GPHN: variants seen among roughly 807,000 people sequenced by gnomAD.
GPHN encodes gephyrin.
Under a neutral mutation model 95.5 loss-of-function variants are expected in GPHN, and 17 were observed. That is an observed-to-expected ratio of 0.18 (90% CI 0.12 to 0.27). GPHN has a LOEUF of 0.27. GPHN is among the 10% of genes least tolerant of loss of function. GPHN has a pLI of 1.00. For missense variants in GPHN, 660 were observed against 978.1 expected, an observed-to-expected ratio of 0.67 and a Z score of 4.34; for synonymous variants, 320 against 322.5, an observed-to-expected ratio of 0.99 and a Z score of 0.08.
chr14:67,320,257 A>C, the GPHN span: 1 of 1,613,172 alleles, frequency 6.2e-7, no homozygotes, highest in Non-Finnish European at 8.5e-7. Flanking sequence ...ATCTTAACCT[A>C]TGAGGAAATG....
chr14:67,092,206 T>C (rs1265173479), intron 12 of GPHN, among the ~76,000 whole-genome samples: 3 of 152,164 alleles, frequency 2.0e-5, no homozygotes, highest in Non-Finnish European at 4.4e-5. Flanking sequence ...TGATTTTTAC[T>C]GTATTTAGTA....
At chr14:67,481,101 G>A in the GPHN span, among the ~76,000 whole-genome samples, 2 of 152,016 alleles carry the variant, frequency 1.3e-5, no homozygotes, top group South Asian at 2.1e-4. Flanking sequence ...GACCAGCCTG[G>A]GCAACATAGC....
the GPHN span, chr14:67,620,878 T>C: frequency 6.2e-7 from 1 of 1,614,038 alleles, no homozygotes; most frequent in Non-Finnish European, 8.5e-7. Context: ...AATTGTGTAA[T>C]TTGTGTGACT....
intron 8 of GPHN, among the ~76,000 whole-genome samples, chr14:66,936,802 T>C (rs2153570108): frequency 6.6e-6 from 1 of 152,202 alleles, no homozygotes; most frequent in South Asian, 2.1e-4. Flanking sequence ...AAATAGAAAA[T>C]TTGTGCAAGA....
chr14:67,419,739 C>T, the GPHN span, among the ~76,000 whole-genome samples: 2 of 152,040 alleles, frequency 1.3e-5, no homozygotes, highest in Non-Finnish European at 2.9e-5. Flanking sequence ...GTCCCAGCTA[C>T]TCGGGAGGCT....
the GPHN span, among the ~76,000 whole-genome samples, chr14:67,414,305 C>T: frequency 6.6e-6 from 1 of 152,226 alleles, no homozygotes; most frequent in Non-Finnish European, 1.5e-5. Context: ...GTCCAGCCCA[C>T]CCTGCCTGAC....
chr14:66,659,048 T>A (rs942289262), intron 1 of GPHN, among the ~76,000 whole-genome samples: 2 of 151,970 alleles, frequency 1.3e-5, no homozygotes, highest in East Asian at 3.9e-4. Context: ...TTGAGACTTT[T>A]ACTGTTTTCA....
At chr14:67,348,848 T>C in the GPHN span, 1 of 595,198 alleles carries the variant, frequency 1.7e-6, no homozygotes, top group Admixed American at 3.2e-5. Context: ...TGTTCACTTC[T>C]ATACAAAAGT....
At chr14:67,566,749 GA>G in the GPHN span, among the ~76,000 whole-genome samples, 49,302 of 134,016 alleles carry the variant, frequency 0.37, 8,565 homozygotes, top group Admixed American at 0.4. Flanking sequence ...ACCCTGTCTT[GA>G]AAAAAAAAAA....
intron 1 of GPHN, among the ~76,000 whole-genome samples, chr14:66,659,080 A>G (rs10148305): frequency 0.16 from 24,529 of 151,814 alleles, 3,825 homozygotes; most frequent in East Asian, 0.46. Flanking sequence ...TTATTGCTAT[A>G]TTGTCCGTAT....
the GPHN span, among the ~76,000 whole-genome samples, chr14:67,497,157 C>T: frequency 1.1e-4 from 16 of 152,092 alleles, no homozygotes; most frequent in South Asian, 3.1e-3. Context: ...GAAATCACAG[C>T]GAGGGAGAGC....
intron 1 of GPHN, among the ~76,000 whole-genome samples, chr14:66,642,331 T>A (rs763058381): frequency 1.3e-5 from 2 of 152,106 alleles, no homozygotes; most frequent in Non-Finnish European, 2.9e-5. Context: ...AGTCATTGAT[T>A]CCAAGCATGA....
rs531764538 is a variant in GPHN at position 66,817,757 on chromosome 14, A to C, written c.202-6717A>C. Among the ~76,000 whole-genome samples the C allele has an allele frequency of 2.0e-5, 3 of 152,282 alleles. No individual in the cohort carries two copies. In the East Asian group the frequency reaches 5.8e-4, roughly 29 times the overall value. On this transcript the variant is annotated intron_variant, in intron 3 of 22. Coordinates refer to ENST00000478722, the MANE Select transcript of GPHN (RefSeq NM_020806.5). ...CTTTCTCTCCAAATGGTCACCCATC[A>C]TTCCCTTGTCTAGCCCAGCCTTCCT...
the GPHN span, among the ~76,000 whole-genome samples, chr14:67,483,105 G>T: frequency 1.3e-5 from 2 of 152,054 alleles, no homozygotes; most frequent in Non-Finnish European, 2.9e-5. Flanking sequence ...CTGTCGCCCG[G>T]GTTCAAGCAA....
At chr14:66,635,818 CA>C (rs1445601846) in intron 1 of GPHN, among the ~76,000 whole-genome samples, 1 of 151,898 alleles carries the variant, frequency 6.6e-6, no homozygotes, top group Non-Finnish European at 1.5e-5. Flanking sequence ...TGTGAGTTTT[CA>C]GGCTGTTTAC....
chr14:67,125,451 T>G (rs2079244273), intron 17 of GPHN, among the ~76,000 whole-genome samples: 1 of 152,116 alleles, frequency 6.6e-6, no homozygotes, highest in Non-Finnish European at 1.5e-5. Flanking sequence ...AACTGTACCC[T>G]AGGTTTAAAG....
chr14:67,497,191 G>C, the GPHN span, among the ~76,000 whole-genome samples: 1 of 152,194 alleles, frequency 6.6e-6, no homozygotes, highest in Non-Finnish European at 1.5e-5. Context: ...ATATGCTGCG[G>C]GCACACACGA....
chr14:66,734,659 A>G (rs1292960998), intron 2 of GPHN, among the ~76,000 whole-genome samples: 1 of 152,168 alleles, frequency 6.6e-6, no homozygotes, highest in Non-Finnish European at 1.5e-5. Context: ...AATACTTTTT[A>G]TGTGGATATT....
intron 17 of GPHN, among the ~76,000 whole-genome samples, chr14:67,123,591 A>G (rs867003500): frequency 6.6e-6 from 1 of 152,124 alleles, no homozygotes; most frequent in African/African-American, 2.4e-5. Flanking sequence ...CATGAGAATC[A>G]TTTGAGCCTG....
Sources: allele counts gnomAD v4.1 joint callset (sites outside exome capture counted in the v4.1 genomes callset), GRCh38; gene constraint gnomAD v4.1.1; transcripts MANE v1.5; gene names NCBI Gene and HGNC (gene_info 2026-07-23, HGNC 2026-07-21).